Variants in PPIL4 observed in about 807,000 individuals in gnomAD.
PPIL4 encodes peptidyl-prolyl cis-trans isomerase-like 4.
PPIL4 carries 50 observed loss-of-function variants against 69.1 expected under a neutral mutation model. The observed-to-expected ratio is 0.72, with a 90% confidence interval of 0.58 to 0.92. The LOEUF (loss-of-function observed/expected upper bound fraction) is 0.92. Ranked by LOEUF, PPIL4 falls within the 40% of genes least tolerant of loss-of-function variation. The probability of loss-of-function intolerance (pLI) is 0.00; values close to 1 mark genes in which losing one functional copy is unlikely to be tolerated. For synonymous variants in PPIL4, 193 were observed against 191.6 expected (o/e 1.01, Z -0.06); for missense variants, 480 against 587.9 (o/e 0.82, Z 1.90).
chr6:149,511,709 A>C (rs900362135), intron 12 of PPIL4, among the ~76,000 whole-genome samples: 1 of 152,184 alleles, frequency 6.6e-6, no homozygotes, highest in African/African-American at 2.4e-5. Flanking sequence ...TTAGCATGCT[A>C]AAGTTAATTA....
At chr6:149,523,152 T>A (rs924948427) in intron 9 of PPIL4, among the ~76,000 whole-genome samples, 1 of 152,008 alleles carries the variant, frequency 6.6e-6, no homozygotes, top group African/African-American at 2.4e-5. Context: ...AATTAGAAAT[T>A]TGTTTATAAA....
At chr6:149,517,162 T>C (rs892478408) in intron 11 of PPIL4, 192 bp downstream of exon 11, 23 of 492,618 alleles carry the variant, frequency 4.7e-5, no homozygotes, top group Admixed American at 1.2e-4. Context: ...CACTAGAGTA[T>C]AGTGAAAAAG....
chr6:149,515,728 T>C (rs1378084867), intron 11 of PPIL4, among the ~76,000 whole-genome samples: 2 of 152,146 alleles, frequency 1.3e-5, no homozygotes, highest in Admixed American at 6.5e-5. Flanking sequence ...TTACCCACTA[T>C]CTTGTACTTA....
chr6:149,512,435 A>C, intron 11 of PPIL4, 133 bp from the exon 12 acceptor site: 1 of 558,380 alleles, frequency 1.8e-6, no homozygotes, highest in Admixed American at 3.3e-5. Context: ...AATATAGTAC[A>C]TTTCTAAAAC....
rs1254450946 is a variant in PPIL4, at chr6:149,545,975, C to A, written c.31G>T (p.Asp11Tyr). Residue 11 changes from aspartate to tyrosine, a missense_variant, in exon 1 of 13, where the codon GAC (aspartate) becomes TAC (tyrosine). Coordinates refer to ENST00000253329, the MANE Select transcript of PPIL4 (RefSeq NM_139126.4). Reference sequence around the variant, plus strand: ...TCGGTGTACAAGTCGATGACGACGTCGCCTAAAGTGGTCTCCAGTAGAACC... The same window carrying A: ...TCGGTGTACAAGTCGATGACGACGTAGCCTAAAGTGGTCTCCAGTAGAACC... MAVLLETTLG[D>Y]VVIDLYTEER... is the part of the protein sequence containing the mutation. 4 of 1,588,656 alleles carry A rather than the reference C, an allele frequency of 2.5e-6. No homozygotes were observed. In the South Asian group the frequency reaches 4.5e-5, roughly 18 times the overall value.
chr6:149,508,613 A>G (rs980216155), intron 12 of PPIL4, among the ~76,000 whole-genome samples: 9 of 152,224 alleles, frequency 5.9e-5, no homozygotes, highest in African/African-American at 2.2e-4. Context: ...CACTAAAATG[A>G]CAGAAAAAGT....
At chr6:149,533,599 T>C in intron 6 of PPIL4, 25 bp from the exon 7 acceptor site, 1 of 1,309,794 alleles carries the variant, frequency 7.6e-7, no homozygotes, top group South Asian at 1.3e-5. Context: ...GTTACTCATG[T>C]ATATATTTAA....
intron 1 of PPIL4, 71 bp downstream of exon 1, chr6:149,545,865 G>T: frequency 1.4e-6 from 2 of 1,399,858 alleles, no homozygotes; most frequent in Non-Finnish European, 2.0e-6. Flanking sequence ...GCCCTGGACT[G>T]CGCAGAGAAG....
chr6:149,511,923 A>G (rs114754940), intron 12 of PPIL4, among the ~76,000 whole-genome samples: 2,332 of 152,296 alleles, frequency 0.015, 63 homozygotes, highest in African/African-American at 0.054. Context: ...TTGCTTCACA[A>G]TGTGGAAGTA....
At position 149,521,122 on chromosome 6, in the gene PPIL4, T is replaced by C; in HGVS notation, c.920A>G (p.Asp307Gly). 3 of 1,608,298 alleles carry C rather than the reference T, an allele frequency of 1.9e-6. No homozygotes were observed. The highest frequency in any genetic ancestry group is 2.6e-6 in the Non-Finnish European group (3 of 1,176,162). ...AAAATCCACATGTATTCTTCTGTCA[T>C]CTATAAGCACATTGTCCATTTTGAA... ...AFFKMDNVLI[D>G]DRRIHVDFSQ... The change falls in exon 10 of 13, where the codon GAT becomes GGT. Residue 307 changes from aspartate to glycine, a missense_variant. Transcript: ENST00000253329.
chr6:149,526,759 A>C lies in PPIL4; in HGVS notation c.696T>G (p.Asp232Glu), dbSNP rs1777114054. 6.2e-7 allele frequency: 1 copy of C among 1,612,886 alleles called. No homozygotes were observed. Among genetic ancestry groups the C allele is most frequent in the African/African-American group, 1.3e-5 (1 of 74,910 alleles). ...CATTTTCTGGAGGTTTAATATCTGC[A>C]TCAGGTAGGTCTCCCACCTAAATTA... is the stretch of plus-strand genomic sequence containing the variant. ...ILLEMVGDLP[D>E]ADIKPPENVL... Residue 232 changes from aspartate (D) to glutamate (E), a missense_variant, in exon 8 of 13, where the codon GAT becomes GAG. Transcript: ENST00000253329.
At chr6:149,525,031 G>T (rs1464913253) in intron 9 of PPIL4, 112 bp downstream of exon 9, 2 of 532,758 alleles carry the variant, frequency 3.8e-6, no homozygotes, top group Non-Finnish European at 3.4e-6. Context: ...ATTTTGGGGA[G>T]TGCCAAAAGA....
chr6:149,508,084 G>C (rs1776792448), intron 12 of PPIL4, among the ~76,000 whole-genome samples: 1 of 152,202 alleles, frequency 6.6e-6, no homozygotes. Flanking sequence ...ACAGTGCTAA[G>C]AGCTTTAGGA....
chr6:149,528,008 C>T (rs754015858), intron 7 of PPIL4, among the ~76,000 whole-genome samples: 8 of 152,188 alleles, frequency 5.3e-5, no homozygotes, highest in Non-Finnish European at 8.8e-5. Flanking sequence ...GTAATCCCAA[C>T]ACTTTGGGAG....
chr6:149,544,837 G>A (rs949993444), intron 1 of PPIL4, among the ~76,000 whole-genome samples: 6 of 152,146 alleles, frequency 3.9e-5, no homozygotes, highest in Non-Finnish European at 8.8e-5. Context: ...AGCGGAGCAC[G>A]GCAGGAGGTA....
intron 10 of PPIL4, among the ~76,000 whole-genome samples, chr6:149,518,390 C>T (rs753443667): frequency 6.6e-6 from 1 of 152,112 alleles, no homozygotes; most frequent in Non-Finnish European, 1.5e-5. Context: ...ATCCCTCAAC[C>T]ACACCACTAG....
At chr6:149,531,769 A>G (rs1207056394) in intron 7 of PPIL4, among the ~76,000 whole-genome samples, 2 of 152,052 alleles carry the variant, frequency 1.3e-5, no homozygotes, top group African/African-American at 4.8e-5. Context: ...TGCTGGGTTC[A>G]AGCGATTCTC....
intron 6 of PPIL4, 132 bp downstream of exon 6, chr6:149,534,546 A>C: frequency 1.9e-6 from 1 of 521,464 alleles, no homozygotes. Context: ...AAAGAAAAAG[A>C]ACTCCAAACT....
intron 11 of PPIL4, among the ~76,000 whole-genome samples, chr6:149,514,507 A>AG (rs1485514988): frequency 1.3e-5 from 2 of 152,128 alleles, no homozygotes; most frequent in South Asian, 4.1e-4. Flanking sequence ...TTTTTAGTCG[A>AG]GACAGGGTTT....
Sources: allele counts gnomAD v4.1 joint callset (sites outside exome capture counted in the v4.1 genomes callset), GRCh38; gene constraint gnomAD v4.1.1; transcripts MANE v1.5; gene names NCBI Gene and HGNC (gene_info 2026-07-23, HGNC 2026-07-21).